FHIT: variants seen among roughly 807,000 people sequenced by gnomAD.
FHIT encodes bis(5'-adenosyl)-triphosphatase.
Under a neutral mutation model 17.9 loss-of-function variants are expected in FHIT, and 19 were observed. The ratio of observed to expected loss-of-function variants is 1.06; its 90% CI spans 0.74 to 1.56. The LOEUF (loss-of-function observed/expected upper bound fraction) is 1.56. FHIT is among the 40% of genes most tolerant of loss of function. The pLI is 0.00. For synonymous variants in FHIT, 81 were observed against 69.7 expected (o/e 1.16, Z -0.81); for missense variants, 248 against 189.2 (o/e 1.31, Z -1.82).
intron 8 of FHIT, among the ~76,000 whole-genome samples, chr3:59,874,354 A>G (rs1044139242): frequency 6.6e-6 from 1 of 152,354 alleles, no homozygotes; most frequent in Admixed American, 6.5e-5. Context: ...AAATTGATCC[A>G]TAATTTCGAC....
intron 3 of FHIT, among the ~76,000 whole-genome samples, chr3:61,000,082 A>G (rs529399925): frequency 6.6e-6 from 1 of 152,320 alleles, no homozygotes; most frequent in South Asian, 2.1e-4. Flanking sequence ...GGGGTACACA[A>G]ACATTGAGAC....
chr3:61,130,761 T>C (rs997115206), intron 2 of FHIT, among the ~76,000 whole-genome samples: 2 of 152,068 alleles, frequency 1.3e-5, no homozygotes, highest in African/African-American at 2.4e-5. Context: ...AAAATCTGCA[T>C]TTACGATAAC....
At chr3:61,202,043 TAC>T (rs1423922945) in intron 1 of FHIT, among the ~76,000 whole-genome samples, 1 of 144,604 alleles carries the variant, frequency 6.9e-6, no homozygotes, top group African/African-American at 2.6e-5. Flanking sequence ...TATATATACC[TAC>T]ATATATATAC....
intron 5 of FHIT, among the ~76,000 whole-genome samples, chr3:60,519,112 G>C (rs1020410129): frequency 6.6e-6 from 1 of 152,024 alleles, no homozygotes; most frequent in Non-Finnish European, 1.5e-5. Context: ...AAACATGTAA[G>C]AACAAAGAAA....
intron 7 of FHIT, among the ~76,000 whole-genome samples, chr3:59,986,646 A>C (rs74199783): frequency 0.7 from 28,922 of 41,096 alleles, 12,476 homozygotes; most frequent in East Asian, 0.98. Flanking sequence ...AAATTTTTAA[A>C]ATATTTTTAT....
chr3:60,203,002 TAA>T (rs35500094), intron 5 of FHIT, among the ~76,000 whole-genome samples: 1 of 149,736 alleles, frequency 6.7e-6, no homozygotes, highest in Non-Finnish European at 1.5e-5. Context: ...ACATTACAGT[TAA>T]AAAAAAAACC....
intron 5 of FHIT, among the ~76,000 whole-genome samples, chr3:60,223,409 C>T (rs1194940470): frequency 1.3e-5 from 2 of 152,190 alleles, no homozygotes; most frequent in Non-Finnish European, 2.9e-5. Flanking sequence ...AATCATACAT[C>T]ATCTTTGCAA....
intron 3 of FHIT, among the ~76,000 whole-genome samples, chr3:60,972,558 C>A (rs1211561445): frequency 7.0e-6 from 1 of 142,912 alleles, no homozygotes; most frequent in Non-Finnish European, 1.5e-5. Flanking sequence ...TTTTATTTGG[C>A]TTTTTTTTTT....
chr3:60,813,099 G>A (rs1455107388), intron 4 of FHIT, among the ~76,000 whole-genome samples: 11 of 151,758 alleles, frequency 7.2e-5, no homozygotes, highest in Admixed American at 5.9e-4. Context: ...TTCATAAATG[G>A]ATTAACATCA....
intron 8 of FHIT, among the ~76,000 whole-genome samples, chr3:59,898,619 T>C (rs1009125992): frequency 2.0e-5 from 3 of 152,218 alleles, no homozygotes; most frequent in Non-Finnish European, 4.4e-5. Flanking sequence ...ATTTAGATAA[T>C]AAATATCCTC....
chr3:60,168,055 A>G (rs1701256611), intron 5 of FHIT, among the ~76,000 whole-genome samples: 1 of 152,196 alleles, frequency 6.6e-6, no homozygotes, highest in Non-Finnish European at 1.5e-5. Context: ...CAAATTTGTT[A>G]TCAACTTGTC....
intron 5 of FHIT, among the ~76,000 whole-genome samples, chr3:60,323,364 A>G (rs776080676): frequency 5.3e-5 from 8 of 152,166 alleles, no homozygotes; most frequent in Non-Finnish European, 1.2e-4. Flanking sequence ...TTTAAAGCTA[A>G]AAGACTCCTA....
At chr3:60,945,071 T>A (rs1708580965) in intron 3 of FHIT, among the ~76,000 whole-genome samples, 1 of 151,768 alleles carries the variant, frequency 6.6e-6, no homozygotes, top group Non-Finnish European at 1.5e-5. Flanking sequence ...GGCAAAGAGA[T>A]GGAGGATGAT....
At chr3:61,161,437 C>T (rs541065555) in intron 2 of FHIT, among the ~76,000 whole-genome samples, 2 of 152,064 alleles carry the variant, frequency 1.3e-5, no homozygotes, top group African/African-American at 2.4e-5. Flanking sequence ...CTCCTGATTT[C>T]GTGATCCGCC....
intron 4 of FHIT, among the ~76,000 whole-genome samples, chr3:60,596,793 T>C (rs1244599813): frequency 6.6e-6 from 1 of 152,148 alleles, no homozygotes; most frequent in Non-Finnish European, 1.5e-5. Context: ...TATCTCATAA[T>C]ACAACGCCTA....
At chr3:60,044,432 C>G (rs1226316816) in intron 5 of FHIT, among the ~76,000 whole-genome samples, 2 of 152,106 alleles carry the variant, frequency 1.3e-5, no homozygotes, top group African/African-American at 4.8e-5. Flanking sequence ...GCATGAGTGC[C>G]CAGGGTAAGC....
In FHIT at chr3:60,435,581, T is replaced by C. The variant is rs142900503; in HGVS notation, c.103+101279A>G. Among the ~76,000 whole-genome samples the C allele has an allele frequency of 5.5e-3, 830 of 152,228 alleles. 4 individuals are homozygous for C. The highest frequency in any genetic ancestry group is 9.6e-3 in the Non-Finnish European group (656 of 67,998). On this transcript the variant is annotated intron_variant, in intron 5 of 9. Transcript: ENST00000492590. ...GCACATAAAAGCTTAGGCCTTCTTT[T>C]GGTTTCTTTTCAGGGTGAAGATAAA...
intron 8 of FHIT, among the ~76,000 whole-genome samples, chr3:59,898,742 A>G (rs145701645): frequency 1.3e-5 from 2 of 152,220 alleles, no homozygotes; most frequent in African/African-American, 2.4e-5. Context: ...ACAATGAATG[A>G]AGAGACAGAA....
At chr3:59,765,097 C>T (rs916617760) in intron 8 of FHIT, among the ~76,000 whole-genome samples, 3 of 152,154 alleles carry the variant, frequency 2.0e-5, no homozygotes, top group African/African-American at 4.8e-5. Context: ...CTGAGAGATA[C>T]ACAAAGCTGA....
Sources: allele counts gnomAD v4.1 joint callset (sites outside exome capture counted in the v4.1 genomes callset), GRCh38; gene constraint gnomAD v4.1.1; transcripts MANE v1.5; gene names NCBI Gene and HGNC (gene_info 2026-07-23, HGNC 2026-07-21).